Variants in HERC1 observed in about 807,000 individuals in gnomAD.
HERC1 encodes probable E3 ubiquitin-protein ligase HERC1.
Under a neutral mutation model 554.3 loss-of-function variants are expected in HERC1, and 160 were observed. The observed-to-expected ratio is 0.29, with a 90% CI of 0.25 to 0.33. HERC1 has a LOEUF of 0.33. Among genes scored for constraint, HERC1 ranks in the 10% least tolerant of loss-of-function variants. The pLI is 1.00. For synonymous variants in HERC1, 2,175 were observed against 2,131.7 expected (o/e 1.02, Z -0.56); for missense variants, 4,919 against 5,918.5 (o/e 0.83, Z 5.54).
intron 1 of HERC1, among the ~76,000 whole-genome samples, chr15:63,790,271 G>T (rs932563007): frequency 6.6e-6 from 1 of 152,132 alleles, no homozygotes; most frequent in Non-Finnish European, 1.5e-5. Context: ...TTGTAGAAAT[G>T]GAGATGTATG....
chr15:63,796,430 G>A (rs1370149589), intron 1 of HERC1, among the ~76,000 whole-genome samples: 1 of 152,180 alleles, frequency 6.6e-6, no homozygotes, highest in Non-Finnish European at 1.5e-5. Flanking sequence ...AATTATGACA[G>A]TAAGAGAAAT....
chr15:63,814,377 C>G (rs1418537963), intron 1 of HERC1, among the ~76,000 whole-genome samples: 2 of 145,930 alleles, frequency 1.4e-5, no homozygotes, highest in Non-Finnish European at 3.0e-5. Flanking sequence ...CACTACTCTT[C>G]TTTAATACAT....
intron 44 of HERC1, among the ~76,000 whole-genome samples, chr15:63,662,618 G>A (rs987546291): frequency 6.6e-6 from 1 of 152,160 alleles, no homozygotes; most frequent in Non-Finnish European, 1.5e-5. Flanking sequence ...TGAAGGAGAA[G>A]AACATGCATT....
chr15:63,730,770 G>C (rs1053038239), intron 14 of HERC1, among the ~76,000 whole-genome samples: 1 of 152,182 alleles, frequency 6.6e-6, no homozygotes, highest in Admixed American at 6.5e-5. Context: ...GATTTAGAGA[G>C]AGAGAACAAA....
intron 1 of HERC1, among the ~76,000 whole-genome samples, chr15:63,793,435 A>C (rs1266624021): frequency 6.6e-6 from 1 of 152,224 alleles, no homozygotes; most frequent in Non-Finnish European, 1.5e-5. Flanking sequence ...ATGATAGTTT[A>C]CAAATGCCCT....
chr15:63,646,003 T>A (rs1250107400), intron 55 of HERC1, among the ~76,000 whole-genome samples: 2 of 152,212 alleles, frequency 1.3e-5, no homozygotes, highest in Non-Finnish European at 2.9e-5. Context: ...AGAGTTATCC[T>A]TATTGACTAA....
At chr15:63,807,795 C>T (rs1402076226) in intron 1 of HERC1, among the ~76,000 whole-genome samples, 1 of 152,060 alleles carries the variant, frequency 6.6e-6, no homozygotes, top group Non-Finnish European at 1.5e-5. Context: ...TACCTTTGTG[C>T]CCCCACTCAT....
intron 42 of HERC1, among the ~76,000 whole-genome samples, chr15:63,665,221 T>C (rs1319006385): frequency 6.6e-6 from 1 of 152,120 alleles, no homozygotes; most frequent in Non-Finnish European, 1.5e-5. Context: ...ATATAAATAT[T>C]ACACAGAGAA....
chr15:63,631,737 C>T (rs1435186133), intron 68 of HERC1, among the ~76,000 whole-genome samples: 4 of 152,164 alleles, frequency 2.6e-5, no homozygotes, highest in East Asian at 1.9e-4. Context: ...GACGGCGTTT[C>T]GCCATGTTGG....
rs190498906 is a variant in HERC1 at position 63,729,348 on chromosome 15, C to T, written c.3042G>A (p.Leu1014=). Residue 1014 remains leucine (L), a synonymous_variant, in exon 16 of 78, where the codon TTG becomes TTA. Transcript: ENST00000443617. ...ACAAAAGCTGAAGATGTTTATGAAG[C>T]AATGCCACACTGCTTGAGTTCTAAG... The part of the protein sequence containing the change: ...NISENSSSVA[L]LHKHLQLLLP... 3.9e-5 allele frequency: 62 copies of T among 1,606,502 alleles called. No homozygotes were observed. The African/African-American group carries it at 7.2e-4, about 19-fold the overall frequency.
rs1374269595 is a variant in HERC1, at chr15:63,725,499, T to C, written c.3361A>G (p.Ile1121Val). 6.2e-7 allele frequency: 1 copy of C among 1,613,860 alleles called. No homozygotes were observed. The highest frequency in any genetic ancestry group is 1.3e-5 in the African/African-American group (1 of 75,034). Residue 1121 changes from isoleucine (I) to valine (V), a missense_variant, in exon 18 of 78, where the codon ATT becomes GTT. Ile to Val is a conservative substitution (Grantham distance 29, BLOSUM62 3). Transcript: ENST00000443617. The part of the protein sequence containing the change: ...QWPLHGGPEL[I>V]DPAGLPLPQP... ...GGTAATGGCAGACCAGCAGGATCAA[T>C]TAGTTCTGGCCCTCCTAAAGACAAA...
intron 17 of HERC1, among the ~76,000 whole-genome samples, chr15:63,726,836 G>C (rs2074062489): frequency 6.6e-6 from 1 of 152,068 alleles, no homozygotes; most frequent in African/African-American, 2.4e-5. Flanking sequence ...TATGAGATTA[G>C]TATAATTTTG....
At chr15:63,707,321 G>C (rs891524630) in intron 24 of HERC1, among the ~76,000 whole-genome samples, 1 of 152,160 alleles carries the variant, frequency 6.6e-6, no homozygotes, top group Non-Finnish European at 1.5e-5. Context: ...AAACCTTCTG[G>C]TAGTATTTGA....
intron 24 of HERC1, among the ~76,000 whole-genome samples, chr15:63,712,466 C>A (rs1422402192): frequency 6.6e-6 from 1 of 152,108 alleles, no homozygotes; most frequent in Non-Finnish European, 1.5e-5. Flanking sequence ...AAAAGAGAAA[C>A]AGGTTTGGAG....
intron 37 of HERC1, among the ~76,000 whole-genome samples, chr15:63,676,052 C>A (rs138508562): frequency 2.0e-5 from 3 of 152,056 alleles, no homozygotes; most frequent in East Asian, 3.9e-4. Flanking sequence ...TACAGGCGCA[C>A]GCCACTACGG....
intron 24 of HERC1, among the ~76,000 whole-genome samples, chr15:63,712,462 G>T (rs938230916): frequency 1.3e-5 from 2 of 152,218 alleles, no homozygotes; most frequent in Admixed American, 6.5e-5. Flanking sequence ...GAATAAAAGA[G>T]AAACAGGTTT....
intron 34 of HERC1, among the ~76,000 whole-genome samples, chr15:63,684,425 T>G (rs1247744695): frequency 6.6e-6 from 1 of 152,244 alleles, no homozygotes; most frequent in Non-Finnish European, 1.5e-5. Context: ...TGAAATTTTG[T>G]CCTGGCCAAT....
chr15:63,727,770 C>T lies in HERC1; in HGVS notation c.3223G>A (p.Val1075Met), dbSNP rs373149343. The change falls in exon 17 of 78, where the codon GTG (valine) becomes ATG (methionine). Residue 1075 changes from valine (V) to methionine (M), a missense_variant. Physicochemically the swap from Val to Met is conservative, Grantham distance 21. Around this residue, in one of 11 missense-constraint regions of HERC1, gnomAD observed 1,121 missense variants for 1,244.0 expected, o/e 0.90. Transcript: ENST00000443617. This position sits in a 1 kb window ranked among gnomAD's most constrained non-coding sequence, Gnocchi z 4.3. Reference protein sequence around the residue: ...QIVNSLLLLPVSVARPLLSYL... With the variant: ...QIVNSLLLLPMSVARPLLSYL... ...CTCAATAAAGGCCGAGCCACTGACACAGGGAGTAACAGCAGGGAGTTAACA... is the reference window on the plus strand; with the variant it reads ...CTCAATAAAGGCCGAGCCACTGACATAGGGAGTAACAGCAGGGAGTTAACA... 3.7e-6 allele frequency: 6 copies of T among 1,613,804 alleles called. No homozygotes were observed. Among genetic ancestry groups the T allele is most frequent in the African/African-American group, 1.3e-5 (1 of 74,898 alleles).
intron 45 of HERC1, 124 bp downstream of exon 45, chr15:63,661,629 G>T: frequency 1.0e-6 from 1 of 1,004,854 alleles, no homozygotes; most frequent in African/African-American, 1.6e-5. Flanking sequence ...TGCCCAAAGT[G>T]TAAGAATCAC....
Sources: gnomAD v4.1 joint callset for allele counts (sites outside exome capture counted in the v4.1 genomes callset) on GRCh38, gnomAD v4.1.1 for gene constraint, gnomAD v4.1.1 regional missense constraint, Gnocchi (gnomAD v3.1) non-coding constraint, MANE v1.5 for transcripts, NCBI Gene and HGNC (gene_info 2026-07-23, HGNC 2026-07-21) for gene names.